The following EFR3A variants were observed in gnomAD, a reference collection of about 807,000 sequenced individuals.
The protein encoded by EFR3A is protein EFR3 homolog A.
EFR3A carries 76 observed loss-of-function variants against 104.4 expected under a neutral mutation model. That is an observed-to-expected ratio of 0.73 (90% CI 0.60 to 0.88). EFR3A has a LOEUF of 0.88. Among genes scored for constraint, EFR3A ranks in the 40% least tolerant of loss-of-function variants. The pLI, the probability that EFR3A is intolerant of heterozygous loss-of-function variation, is 0.00. For missense variants in EFR3A, 985 were observed against 1,012.5 expected (o/e 0.97, Z 0.37); for synonymous variants, 330 against 330.0 (o/e 1.00, Z 0.00).
At chr8:131,984,856 C>A in intron 15 of EFR3A, 73 bp from the exon 16 acceptor site, 1 of 1,351,620 alleles carries the variant, frequency 7.4e-7, no homozygotes, top group Non-Finnish European at 9.8e-7. Flanking sequence ...CTGCAGTTTT[C>A]CAGTGTAATC....
intron 22 of EFR3A, among the ~76,000 whole-genome samples, chr8:132,006,420 A>G (rs1822056379): frequency 1.3e-5 from 2 of 151,588 alleles, no homozygotes; most frequent in South Asian, 4.1e-4. Context: ...TTTTATGACA[A>G]TAAATTCAAC....
Position 131,918,272 on chromosome 8 carries a change from G to C in EFR3A, c.10+13950G>C, listed in dbSNP as rs570190368. ...ACTGCACTCCAGCCTGGGTGACAGA[G>C]CAAGACTCTGTCTCAACAACAACAA... is the stretch of plus-strand genomic sequence containing the variant. On this transcript the variant is annotated intron_variant, in intron 1 of 22. Transcript: ENST00000254624. 2.0e-5 allele frequency among the ~76,000 whole-genome samples: 3 copies of C among 152,244 alleles called. No individual in the cohort carries two copies. In the South Asian group the frequency reaches 6.2e-4, roughly 32 times the overall value.
chr8:131,964,837 A>G (rs920879967), intron 8 of EFR3A, among the ~76,000 whole-genome samples: 1 of 152,210 alleles, frequency 6.6e-6, no homozygotes, highest in Non-Finnish European at 1.5e-5. Flanking sequence ...TACGGTAACC[A>G]AAACAGCATG....
chr8:131,934,971 G>A (rs1451607893), intron 1 of EFR3A, among the ~76,000 whole-genome samples: 1 of 152,096 alleles, frequency 6.6e-6, no homozygotes, highest in Non-Finnish European at 1.5e-5. Flanking sequence ...TAACCTTGGA[G>A]GGAATATATG....
intron 22 of EFR3A, among the ~76,000 whole-genome samples, chr8:132,004,153 C>A (rs1243267914): frequency 1.3e-5 from 2 of 152,102 alleles, no homozygotes; most frequent in Non-Finnish European, 2.9e-5. Context: ...ATTTCCCTCC[C>A]ATTCCTGCTA....
At chr8:131,950,595 A>G (rs1170203818) in intron 5 of EFR3A, among the ~76,000 whole-genome samples, 6 of 152,056 alleles carry the variant, frequency 3.9e-5, no homozygotes, top group Non-Finnish European at 7.4e-5. Flanking sequence ...AGCTATCTTT[A>G]TCTTCTTATC....
chr8:131,907,201 A>G (rs142465300), intron 1 of EFR3A, among the ~76,000 whole-genome samples: 1 of 152,354 alleles, frequency 6.6e-6, no homozygotes, highest in Non-Finnish European at 1.5e-5. Context: ...TGAACTTACA[A>G]GAATGCATTT....
In EFR3A at chr8:132,011,777, G is replaced by T. The variant is rs1433932298; in HGVS notation, c.*882G>T. On this transcript the variant is annotated 3_prime_UTR_variant, in exon 23 of 23. Transcript: ENST00000254624. ...CACCTGTGAAGAGTCTGTACATTTT[G>T]ATTTCTATTAAGAGCACATTTATTT... is the stretch of plus-strand genomic sequence containing the variant. 3.9e-5 allele frequency: 6 copies of T among 152,502 alleles called. No individual in the cohort carries two copies. Among genetic ancestry groups the T allele is most frequent in the African/African-American group, 1.4e-4 (6 of 41,546 alleles). The allele number at this position is 152,502 out of a possible 1,614,324, so 9.4% of individuals were successfully genotyped here.
Position 131,960,304 on chromosome 8 carries a change from C to T in EFR3A, c.855+641C>T. 1.3e-5 allele frequency among the ~76,000 whole-genome samples: 2 copies of T among 152,080 alleles called. 1 individual carries two copies. Among genetic ancestry groups the T allele is most frequent in the Non-Finnish European group, 2.9e-5 (2 of 68,016 alleles). On this transcript the variant is annotated intron_variant, in intron 8 of 22. Transcript: ENST00000254624. ...TTTTTTTTCCAACAAAATGCAGATC[C>T]TAAATCTATTATTTGTCGGATTCAA... is the stretch of plus-strand genomic sequence containing the variant.
intron 14 of EFR3A, among the ~76,000 whole-genome samples, 169 bp from the exon 15 acceptor site, chr8:131,983,970 A>G (rs1820745771): frequency 6.6e-6 from 1 of 152,204 alleles, no homozygotes; most frequent in African/African-American, 2.4e-5. Flanking sequence ...GTATATTAGC[A>G]TGTTGTTTGA....
At chr8:131,992,888 G>A (rs1171289007) in intron 18 of EFR3A, among the ~76,000 whole-genome samples, 6 of 152,164 alleles carry the variant, frequency 3.9e-5, no homozygotes, top group African/African-American at 1.4e-4. Context: ...CATGGCTTGG[G>A]AAGTTATGTG....
intron 9 of EFR3A, among the ~76,000 whole-genome samples, chr8:131,970,078 G>C (rs1223527555): frequency 6.6e-6 from 1 of 152,180 alleles, no homozygotes; most frequent in African/African-American, 2.4e-5. Flanking sequence ...ATAAATATTT[G>C]ATGCTTCTGT....
At chr8:131,973,657 T>C (rs1338985770) in intron 10 of EFR3A, among the ~76,000 whole-genome samples, 2 of 152,212 alleles carry the variant, frequency 1.3e-5, no homozygotes, top group African/African-American at 2.4e-5. Context: ...GATCATGGCG[T>C]TATTCCTGTC....
rs2130834867 is a variant in EFR3A at position 132,013,364 on chromosome 8, T to G, written c.*2469T>G. 6.5e-6 allele frequency: 1 copy of G among 152,738 alleles called. No individual in the cohort carries two copies. The highest frequency in any genetic ancestry group is 1.9e-4 in the East Asian group (1 of 5,184). 9.5% of individuals were successfully genotyped at this position (152,738 alleles called of 1,614,324 possible). ...CACACACATATTTCCTTAATACTTC[T>G]GAACTCATTATCTTTTAGAATAATA... On this transcript the variant is annotated 3_prime_UTR_variant, in exon 23 of 23. Coordinates refer to ENST00000254624, the MANE Select transcript of EFR3A (RefSeq NM_015137.6).
intron 5 of EFR3A, 66 bp from the exon 6 acceptor site, chr8:131,953,752 C>A: frequency 7.3e-7 from 1 of 1,374,230 alleles, no homozygotes; most frequent in Admixed American, 2.9e-5. Context: ...CTCTTAGCTA[C>A]GCAAACAGTC....
intron 22 of EFR3A, among the ~76,000 whole-genome samples, chr8:132,006,991 A>AT (rs1044157498): frequency 1.4e-4 from 21 of 152,032 alleles, no homozygotes; most frequent in Non-Finnish European, 2.8e-4. Flanking sequence ...AAAATTTGGA[A>AT]TAGAAGGGAA....
intron 16 of EFR3A, 110 bp downstream of exon 16, chr8:131,985,170 T>C (rs1221986895): frequency 9.0e-7 from 1 of 1,107,182 alleles, no homozygotes; most frequent in Non-Finnish European, 1.3e-6. Flanking sequence ...TTAAGGTAAT[T>C]CTATAAAAAT....
At chr8:131,984,675 A>T (rs1033620916) in intron 15 of EFR3A, among the ~76,000 whole-genome samples, 1 of 152,184 alleles carries the variant, frequency 6.6e-6, no homozygotes, top group Non-Finnish European at 1.5e-5. Flanking sequence ...CCATATATGC[A>T]TGTCCGTGTG....
intron 1 of EFR3A, among the ~76,000 whole-genome samples, chr8:131,914,144 G>C (rs1563809231): frequency 6.6e-6 from 1 of 152,148 alleles, no homozygotes; most frequent in Admixed American, 6.5e-5. Context: ...CTACAGTGGG[G>C]GGGACACTCC....
Sources: gnomAD v4.1 joint callset for allele counts (sites outside exome capture counted in the v4.1 genomes callset) on GRCh38, gnomAD v4.1.1 for gene constraint, MANE v1.5 for transcripts, NCBI Gene and HGNC (gene_info 2026-07-23, HGNC 2026-07-21) for gene names.